KNDC1: variants seen among roughly 807,000 people sequenced by gnomAD.
The protein encoded by KNDC1 is kinase non-catalytic C-lobe domain containing 1, also known as kinase non-catalytic C-lobe domain-containing protein 1.
A neutral mutation model predicts 172.8 loss-of-function variants in KNDC1; 106 were observed. The observed-to-expected ratio is 0.61, with a 90% CI of 0.52 to 0.72. The LOEUF is 0.72. Ranked by LOEUF, KNDC1 falls within the 30% of genes least tolerant of loss-of-function variation. The pLI is 0.00. For synonymous variants in KNDC1, 1,083 were observed against 1,062.2 expected (o/e 1.02, Z -0.38); for missense variants, 2,325 against 2,394.5 (o/e 0.97, Z 0.61).
chr10:133,169,240 C>T (rs1002924869), intron 3 of KNDC1, among the ~76,000 whole-genome samples: 19 of 152,186 alleles, frequency 1.2e-4, no homozygotes, highest in East Asian at 3.9e-4. Flanking sequence ...GCGGGCAGAT[C>T]GCTTGAGCCC....
At position 133,201,564 on chromosome 10, in the gene KNDC1, C is replaced by T. The variant is rs376201613; in HGVS notation, c.3053C>T (p.Ser1018Leu). 37 of 1,612,324 alleles carry T rather than the reference C, an allele frequency of 2.3e-5. No homozygotes were observed. In the Admixed American group the frequency reaches 4.7e-4, roughly 20 times the overall value. The change falls in exon 17 of 30, where the codon TCG (serine) becomes TTG (leucine). Residue 1018 changes from serine to leucine, a missense_variant. Transcript: ENST00000304613. ...GCCCCCTGCTCACCCACCTCGGTGTCGGATGTGGACTCGGACGCACTGTCA... is the reference window on the plus strand; with the variant it reads ...GCCCCCTGCTCACCCACCTCGGTGTTGGATGTGGACTCGGACGCACTGTCA... ...SRAPCSPTSV[S>L]DVDSDALSRG... is the part of the protein sequence containing the mutation.
chr10:133,186,077 C>G lies in KNDC1; in HGVS notation c.729C>G (p.Pro243=), dbSNP rs569695794. 2.5e-6 allele frequency: 4 copies of G among 1,598,636 alleles called. No individual in the cohort carries two copies. The African/African-American group carries it at 4.0e-5, about 16-fold the overall frequency. ...CTGACCCGGAGGTTCTGCCGACCCC[C>G]GAAGGCCCGGAGTCTGAGACGAGCC... is the stretch of plus-strand genomic sequence containing the variant. ...PSTDPEVLPT[P]EGPESETSRG... is the part of the protein sequence containing the mutation. Residue 243 remains proline (P), a synonymous_variant, in exon 6 of 30, where the codon CCC becomes CCG. Transcript: ENST00000304613.
Position 133,160,445 on chromosome 10 carries a change from G to T in KNDC1, c.-23G>T. 3 of 1,483,834 alleles carry T rather than the reference G, an allele frequency of 2.0e-6. No homozygotes were observed. The highest frequency in any genetic ancestry group is 2.7e-6 in the Non-Finnish European group (3 of 1,111,392). The allele number at this position is 1,483,834 out of a possible 1,614,324, so 91.9% of individuals were successfully genotyped here. On this transcript the variant is annotated 5_prime_UTR_variant, in exon 1 of 30. Coordinates refer to ENST00000304613, the MANE Select transcript of KNDC1 (RefSeq NM_152643.8). Reference sequence around the variant, plus strand: ...CCCAGCCCAGCCGGAGGCCCCGGGGGCGGTGCGCGGCGCGGCCGCAGGATG... The same window carrying T: ...CCCAGCCCAGCCGGAGGCCCCGGGGTCGGTGCGCGGCGCGGCCGCAGGATG...
At chr10:133,220,945 C>T (rs923244236) in intron 29 of KNDC1, among the ~76,000 whole-genome samples, 32 of 152,038 alleles carry the variant, frequency 2.1e-4, no homozygotes, top group Admixed American at 1.0e-3. Flanking sequence ...GGTACCTTGC[C>T]CCTCACTTGG....
rs760124557 is a variant in KNDC1 at position 133,197,757 on chromosome 10, A to G, written c.1895A>G (p.Glu632Gly). 1.6e-5 allele frequency: 25 copies of G among 1,611,702 alleles called. No homozygotes were observed. Among genetic ancestry groups the G allele is most frequent in the Non-Finnish European group, 1.9e-5 (22 of 1,179,694 alleles). Residue 632 changes from glutamate (E) to glycine (G), a missense_variant, in exon 12 of 30, where the codon GAG (glutamate) becomes GGG (glycine). By Grantham distance (98) the Glu-to-Gly change is moderately conservative. Transcript: ENST00000304613. ...ELKPSVAPAPEPSPGFLPVNS... is the reference protein window; with the variant it reads ...ELKPSVAPAPGPSPGFLPVNS... The stretch of plus-strand genomic sequence containing the variant: ...AAGCCCAGTGTGGCACCAGCCCCAG[A>G]GCCCAGCCCAGGTGGGGACCTGACC...
chr10:133,202,006 C>G, intron 17 of KNDC1, 108 bp downstream of exon 17: 4 of 1,239,222 alleles, frequency 3.2e-6, no homozygotes, highest in Non-Finnish European at 4.6e-6. Context: ...GAGCCCCCAA[C>G]AGGGTGACAC....
Position 133,186,467 on chromosome 10 carries a change from G to C in KNDC1, c.1119G>C (p.Leu373=). 1 of 1,612,446 alleles carries C rather than the reference G, an allele frequency of 6.2e-7. No individual in the cohort carries two copies. The highest frequency in any genetic ancestry group is 8.5e-7 in the Non-Finnish European group (1 of 1,179,762). Residue 373 remains leucine, a synonymous_variant, in exon 6 of 30, where the codon CTG becomes CTC. Transcript: ENST00000304613. The part of the protein sequence containing the change: ...LWPEQEPEHQ[L]GRVPCAGRST... ...CGGAGCAGGAGCCGGAACACCAGCTGGGACGGGTTCCCTGTGCAGGCCGCA... is the reference window on the plus strand; with the variant it reads ...CGGAGCAGGAGCCGGAACACCAGCTCGGACGGGTTCCCTGTGCAGGCCGCA...
In KNDC1 at chr10:133,199,183, C is replaced by G. The variant is rs373908944; in HGVS notation, c.2675C>G (p.Ser892Trp). The G allele has an allele frequency of 5.0e-6, 8 of 1,595,040 alleles. No individual in the cohort carries two copies. In the East Asian group the frequency reaches 1.8e-4, roughly 36 times the overall value. The change falls in exon 14 of 30, where the codon TCG becomes TGG. Residue 892 changes from serine (S) to tryptophan (W), a missense_variant. Physicochemically the swap from Ser to Trp is radical, Grantham distance 177. Transcript: ENST00000304613. Reference sequence around the variant, plus strand: ...CTCCCAGGGAGGACGGCCTGCCCGTCGCTGCAGGAGGCCACGCGCCTCATC... The same window carrying G: ...CTCCCAGGGAGGACGGCCTGCCCGTGGCTGCAGGAGGCCACGCGCCTCATC... ...SPLPGRTACPSLQEATRLIQE... is the reference protein window; with the variant it reads ...SPLPGRTACPWLQEATRLIQE...
Position 133,213,995 on chromosome 10 carries a change from C to G in KNDC1, c.4550C>G (p.Ser1517Trp), listed in dbSNP as rs766096207. ...IPKASSSESL[S>W]AKTCSLFLPN... ...AGAGCCAGCTCTTCTGAGTCTCTTT[C>G]GGCCAAAACCTGCAGCTTATTTCTG... The change falls in exon 26 of 30, where the codon TCG becomes TGG. Residue 1517 changes from serine (S) to tryptophan (W), a missense_variant. Coordinates refer to ENST00000304613, the MANE Select transcript of KNDC1 (RefSeq NM_152643.8). The G allele has an allele frequency of 1.2e-6, 2 of 1,614,060 alleles. No homozygotes were observed. The highest frequency in any genetic ancestry group is 2.2e-5 in the East Asian group (1 of 44,894).
chr10:133,190,438 CTG>C (rs1490684931), intron 9 of KNDC1, among the ~76,000 whole-genome samples: 1 of 152,194 alleles, frequency 6.6e-6, no homozygotes, highest in African/African-American at 2.4e-5. Context: ...ACCCTGCACA[CTG>C]TGCAAAAAAC....
At position 133,224,579 on chromosome 10, in the gene KNDC1, G is replaced by T; in HGVS notation, c.5019-80G>T. ...AAGATTTAGTCCAAATGATTCCTAA[G>T]AACGCGGGGGGACTCCCTCCCCACG... On this transcript the variant is annotated intron_variant, in intron 29 of 29. Transcript: ENST00000304613. The surrounding 1 kb of genome is among the most constrained non-coding windows in gnomAD (Gnocchi z 5.4). 1.0e-6 allele frequency: 1 copy of T among 961,648 alleles called. No individual in the cohort carries two copies. The allele number at this position is 961,648 out of a possible 1,614,324, so 59.6% of individuals were successfully genotyped here. A position where few individuals can be genotyped will look rare whatever the true frequency, so the allele number is the denominator to read the frequency against.
At position 133,201,826 on chromosome 10, in the gene KNDC1, C is replaced by T. The variant is rs1347317813; in HGVS notation, c.3315C>T (p.Ala1105=). ...SAFYEADCFG[A]DVHNYVKDLG... ...TCTACGAGGCCGACTGCTTCGGGGCCGACGTCCACAACTACGTGAAGGACC... is the reference window on the plus strand; with the variant it reads ...TCTACGAGGCCGACTGCTTCGGGGCTGACGTCCACAACTACGTGAAGGACC... Residue 1105 remains alanine, a synonymous_variant, in exon 17 of 30, where the codon GCC becomes GCT. Transcript: ENST00000304613. 5 of 1,494,180 alleles carry T rather than the reference C, an allele frequency of 3.3e-6. No individual in the cohort carries two copies. Among genetic ancestry groups the T allele is most frequent in the Admixed American group, 2.5e-5 (1 of 40,410 alleles). The allele number at this position is 1,494,180 out of a possible 1,614,324, so 92.6% of individuals were successfully genotyped here. A position where few individuals can be genotyped will look rare whatever the true frequency, so the allele number is the denominator to read the frequency against.
chr10:133,186,369 C>A lies in KNDC1; in HGVS notation c.1021C>A (p.Pro341Thr), dbSNP rs1853917152. Residue 341 changes from proline to threonine, a missense_variant, in exon 6 of 30, where the codon CCC becomes ACC. Physicochemically the swap from Pro to Thr is conservative, Grantham distance 38. Coordinates refer to ENST00000304613, the MANE Select transcript of KNDC1 (RefSeq NM_152643.8). ...LPISELFSPD[P>T]RKAFLDRKNG... is the part of the protein sequence containing the mutation. ...CATATCGGAATTATTCTCTCCGGAC[C>A]CCAGGAAGGCCTTTCTGGACAGGAA... 1.2e-6 allele frequency: 2 copies of A among 1,612,768 alleles called. No individual in the cohort carries two copies. Among genetic ancestry groups the A allele is most frequent in the Non-Finnish European group, 8.5e-7 (1 of 1,179,970 alleles).
intron 7 of KNDC1, 42 bp from the exon 8 acceptor site, chr10:133,189,556 G>A (rs750967621): frequency 2.3e-5 from 36 of 1,585,220 alleles, no homozygotes; most frequent in East Asian, 1.1e-4. Context: ...CCCCAAGTGC[G>A]GGGCAGCATG....
rs528982733 is a variant in KNDC1, at chr10:133,220,231, G to T, written c.5018+119G>T. ...CAGGAGAGGAGGGGCTCAGGCGGCC[G>T]CGCGCCCAGGTGAGGAGGGGCTCAG... is the stretch of plus-strand genomic sequence containing the variant. On this transcript the variant is annotated intron_variant, in intron 29 of 29. Coordinates refer to ENST00000304613, the MANE Select transcript of KNDC1 (RefSeq NM_152643.8). 2.0e-5 allele frequency: 9 copies of T among 456,886 alleles called. No individual in the cohort carries two copies. In the East Asian group the frequency reaches 2.9e-4, roughly 15 times the overall value. 28.3% of individuals were successfully genotyped at this position (456,886 alleles called of 1,614,324 possible).
chr10:133,195,576 C>A (rs1854165776), intron 9 of KNDC1, 87 bp from the exon 10 acceptor site: 2 of 1,299,298 alleles, frequency 1.5e-6, no homozygotes, highest in Non-Finnish European at 2.0e-6. Flanking sequence ...GCCTGGGTGC[C>A]CCTCAGGGTG....
intron 20 of KNDC1, among the ~76,000 whole-genome samples, chr10:133,210,191 G>T (rs1045488484): frequency 1.3e-5 from 2 of 151,966 alleles, no homozygotes; most frequent in Non-Finnish European, 2.9e-5. Flanking sequence ...TTCGAGACCA[G>T]CCTGGGAAAC....
At chr10:133,167,321 G>A in intron 1 of KNDC1, 60 bp from the exon 2 acceptor site, 3 of 1,483,396 alleles carry the variant, frequency 2.0e-6, no homozygotes, top group Non-Finnish European at 2.7e-6. Flanking sequence ...CGTCTCGGTG[G>A]GGGTGCCGGG....
At chr10:133,162,101 A>G (rs1852994767) in intron 1 of KNDC1, among the ~76,000 whole-genome samples, 1 of 152,152 alleles carries the variant, frequency 6.6e-6, no homozygotes, top group South Asian at 2.1e-4. Context: ...GTGAACTGTC[A>G]TCCCACCGAG....
Sources: gnomAD v4.1 joint callset for allele counts (sites outside exome capture counted in the v4.1 genomes callset) on GRCh38, gnomAD v4.1.1 for gene constraint, Gnocchi (gnomAD v3.1) non-coding constraint, MANE v1.5 for transcripts, NCBI Gene and HGNC (gene_info 2026-07-23, HGNC 2026-07-21) for gene names.